The following SOS2 variants were observed in gnomAD, a reference collection of about 807,000 sequenced individuals.
SOS2 encodes the protein SOS Ras/Rho guanine nucleotide exchange factor 2.
Under a neutral mutation model 148.2 loss-of-function variants are expected in SOS2, and 65 were observed. That is an observed-to-expected ratio of 0.44 (90% CI 0.36 to 0.54). SOS2 has a LOEUF of 0.54. SOS2 is among the 20% of genes least tolerant of loss of function. The pLI is 0.00. For missense variants in SOS2, 1,341 were observed against 1,590.2 expected, an observed-to-expected ratio of 0.84 and a Z score of 2.67; for synonymous variants, 539 against 537.1, an observed-to-expected ratio of 1.00 and a Z score of -0.05.
intron 1 of SOS2, among the ~76,000 whole-genome samples, chr14:50,224,320 C>T (rs1249919226): frequency 0.047 from 951 of 20,194 alleles, 26 homozygotes; most frequent in East Asian, 0.086. Context: ...TATATACACA[C>T]ACACACACAC....
intron 22 of SOS2, among the ~76,000 whole-genome samples, chr14:50,119,618 C>A (rs1256759011): frequency 6.6e-6 from 1 of 151,646 alleles, no homozygotes; most frequent in Admixed American, 6.6e-5. Context: ...TGCAACCTAC[C>A]TTCACCTCCC....
At chr14:50,219,484 T>C (rs1048934801) in intron 1 of SOS2, among the ~76,000 whole-genome samples, 2 of 152,078 alleles carry the variant, frequency 1.3e-5, no homozygotes, top group African/African-American at 4.8e-5. Context: ...CAATCGATAA[T>C]GACAGAAAAC....
intron 8 of SOS2, among the ~76,000 whole-genome samples, chr14:50,170,779 T>C (rs1885335278): frequency 6.8e-6 from 1 of 146,818 alleles, no homozygotes; most frequent in African/African-American, 2.5e-5. Flanking sequence ...CACAATGAGA[T>C]ACCACCTCGT....
intron 1 of SOS2, among the ~76,000 whole-genome samples, chr14:50,217,973 AC>A (rs1326858230): frequency 1.3e-5 from 2 of 150,212 alleles, no homozygotes; most frequent in Non-Finnish European, 3.0e-5. Flanking sequence ...AAAAACAAAA[AC>A]AAACAAACAA....
intron 12 of SOS2, chr14:50,156,192 T>C (rs1363473903): frequency 1.3e-5 from 2 of 152,010 alleles, no homozygotes; most frequent in Non-Finnish European, 2.9e-5. Context: ...GATAATACTT[T>C]GGTTACTTGG....
intron 14 of SOS2, among the ~76,000 whole-genome samples, 161 bp from the exon 15 acceptor site, chr14:50,145,757 C>T (rs943024740): frequency 1.1e-4 from 16 of 152,078 alleles, no homozygotes; most frequent in Non-Finnish European, 1.3e-4. Context: ...GCTACAAACA[C>T]GAAAACACAC....
intron 8 of SOS2, among the ~76,000 whole-genome samples, chr14:50,171,114 CAA>C (rs61570128): frequency 3.1e-5 from 4 of 129,366 alleles, no homozygotes; most frequent in Admixed American, 7.9e-5. Context: ...AACTCCATCT[CAA>C]AAAAAAAAAA....
Position 50,157,065 on chromosome 14 carries a change from C to T in SOS2, c.1991G>A (p.Gly664Asp), listed in dbSNP as rs1884844822. The stretch of plus-strand genomic sequence containing the variant: ...AAGGTCTGCACTGATTGGCTGCTCG[C>T]CTTTCTCTATTGCCAATTTGTCTGC... ...TDADKLAIEK[G>D]EQPISADLKR... is the part of the protein sequence containing the mutation. Residue 664 changes from glycine (G) to aspartate (D), a missense_variant, in exon 12 of 23, where the codon GGC becomes GAC. Coordinates refer to ENST00000216373, the MANE Select transcript of SOS2 (RefSeq NM_006939.4). The T allele has an allele frequency of 1.2e-6, 2 of 1,612,798 alleles. No individual in the cohort carries two copies. Among genetic ancestry groups the T allele is most frequent in the African/African-American group, 1.3e-5 (1 of 75,018 alleles).
chr14:50,208,276 G>A (rs1441966357), intron 1 of SOS2, among the ~76,000 whole-genome samples: 3 of 152,086 alleles, frequency 2.0e-5, no homozygotes, highest in Admixed American at 6.5e-5. Context: ...TCCAGCCTGG[G>A]TGAGAGTGAG....
intron 8 of SOS2, among the ~76,000 whole-genome samples, chr14:50,170,114 G>A (rs1009965748): frequency 4.2e-5 from 3 of 71,958 alleles, no homozygotes; most frequent in African/African-American, 1.6e-4. Flanking sequence ...TTTTTTTTTT[G>A]TAGAGACAAG....
intron 14 of SOS2, among the ~76,000 whole-genome samples, chr14:50,147,320 C>A (rs2139584889): frequency 6.6e-6 from 1 of 151,982 alleles, no homozygotes; most frequent in South Asian, 2.1e-4. Context: ...CCATCCTGGG[C>A]AACATAGCAA....
chr14:50,160,944 G>A (rs545738284), intron 9 of SOS2, among the ~76,000 whole-genome samples: 2 of 152,168 alleles, frequency 1.3e-5, no homozygotes, highest in Non-Finnish European at 2.9e-5. Flanking sequence ...CCAGGAGGTT[G>A]AGGCTGCTGT....
intron 5 of SOS2, among the ~76,000 whole-genome samples, chr14:50,183,113 T>C (rs1346817501): frequency 1.3e-5 from 2 of 152,188 alleles, no homozygotes; most frequent in African/African-American, 4.8e-5. Context: ...ATAAAAGTTA[T>C]TACATGTGAA....
At chr14:50,215,291 G>T in intron 1 of SOS2, 1 of 763,986 alleles carries the variant, frequency 1.3e-6, no homozygotes, top group African/African-American at 1.9e-5. Context: ...TGAACATCAA[G>T]CATCAAAGTT....
chr14:50,136,384 C>A (rs1374407546), intron 18 of SOS2, among the ~76,000 whole-genome samples: 1 of 152,152 alleles, frequency 6.6e-6, no homozygotes, highest in African/African-American at 2.4e-5. Context: ...ACCACAAACA[C>A]CAATTAGCAG....
chr14:50,180,599 G>A lies in SOS2; in HGVS notation c.942C>T (p.Ala314=). The A allele has an allele frequency of 6.3e-7, 1 of 1,582,174 alleles. No homozygotes were observed. Among genetic ancestry groups the A allele is most frequent in the Non-Finnish European group, 8.6e-7 (1 of 1,159,668 alleles). Residue 314 remains alanine (A), a synonymous_variant, in exon 7 of 23, where the codon GCC becomes GCT. Coordinates refer to ENST00000216373, the MANE Select transcript of SOS2 (RefSeq NM_006939.4). Reference sequence around the variant, plus strand: ...GAAAGTGTAGAGCAACTGCAGGTCTGGCCATCAATTTATTGAAATGTTCAT... The same window carrying A: ...GAAAGTGTAGAGCAACTGCAGGTCTAGCCATCAATTTATTGAAATGTTCAT... ...EFHEHFNKLM[A]RPAVALHFQS...
At chr14:50,212,599 T>TA (rs1445734918) in intron 1 of SOS2, among the ~76,000 whole-genome samples, 1 of 152,240 alleles carries the variant, frequency 6.6e-6, no homozygotes, top group Non-Finnish European at 1.5e-5. Flanking sequence ...CCTTAAACTG[T>TA]ATATTTATCC....
chr14:50,182,665 CTAAATA>C (rs1885780964), intron 5 of SOS2, 59 bp from the exon 6 acceptor site: 1 of 1,430,924 alleles, frequency 7.0e-7, no homozygotes, highest in Non-Finnish European at 9.7e-7. Context: ...TAAAAAATTA[CTAAATA>C]TAAAGAGCAA....
intron 10 of SOS2, 24 bp from the exon 11 acceptor site, chr14:50,158,670 G>C: frequency 1.4e-6 from 2 of 1,457,018 alleles, no homozygotes; most frequent in Non-Finnish European, 9.5e-7. Context: ...GCATAAAATA[G>C]GTTTCATGTT....
Sources: gnomAD v4.1 joint callset for allele counts (sites outside exome capture counted in the v4.1 genomes callset) on GRCh38, gnomAD v4.1.1 for gene constraint, MANE v1.5 for transcripts, NCBI Gene and HGNC (gene_info 2026-07-23, HGNC 2026-07-21) for gene names.